PREX2: variants seen among roughly 807,000 people sequenced by gnomAD.
The protein encoded by PREX2 is phosphatidylinositol-3,4,5-trisphosphate dependent Rac exchange factor 2.
PREX2 carries 107 observed loss-of-function variants against 203.2 expected under a neutral mutation model. The observed-to-expected ratio is 0.53, with a 90% confidence interval of 0.45 to 0.62. PREX2 has a LOEUF of 0.62. Among genes scored for constraint, PREX2 ranks in the 20% least tolerant of loss-of-function variants. PREX2 has a pLI of 0.00. For synonymous variants in PREX2, 672 were observed against 663.6 expected (o/e 1.01, Z -0.19); for missense variants, 1,777 against 1,955.9 (o/e 0.91, Z 1.72).
At chr8:68,086,494 C>G (rs981941113) in intron 18 of PREX2, among the ~76,000 whole-genome samples, 3 of 152,180 alleles carry the variant, frequency 2.0e-5, no homozygotes, top group Non-Finnish European at 4.4e-5. Flanking sequence ...TTGGGAAACA[C>G]TTTTGTTTCT....
At chr8:68,054,290 G>C (rs1343668961) in intron 9 of PREX2, among the ~76,000 whole-genome samples, 1 of 151,064 alleles carries the variant, frequency 6.6e-6, no homozygotes, top group African/African-American at 2.4e-5. Flanking sequence ...CAGTCAATTC[G>C]AATAGCAAAC....
At chr8:68,093,216 C>A (rs1809937412) in intron 20 of PREX2, among the ~76,000 whole-genome samples, 1 of 151,704 alleles carries the variant, frequency 6.6e-6, no homozygotes, top group South Asian at 2.1e-4. Flanking sequence ...CATGGAGAAA[C>A]CCTGTCTTTA....
At chr8:68,180,761 A>G (rs999415076) in intron 35 of PREX2, among the ~76,000 whole-genome samples, 3 of 152,124 alleles carry the variant, frequency 2.0e-5, no homozygotes, top group Non-Finnish European at 4.4e-5. Context: ...GATTGGACCA[A>G]TGCAGTCATT....
intron 11 of PREX2, among the ~76,000 whole-genome samples, chr8:68,064,835 G>A (rs150270385): frequency 0.011 from 1,619 of 152,182 alleles, 18 homozygotes; most frequent in Admixed American, 0.018. Flanking sequence ...GTGACTTTAG[G>A]TTGGAAACTT....
At chr8:68,154,907 G>A (rs1430064514) in intron 34 of PREX2, among the ~76,000 whole-genome samples, 1 of 152,182 alleles carries the variant, frequency 6.6e-6, no homozygotes, top group Non-Finnish European at 1.5e-5. Flanking sequence ...GTAGGAGGCA[G>A]TAAAATGTTT....
At chr8:68,117,541 T>C (rs1453466274) in intron 26 of PREX2, among the ~76,000 whole-genome samples, 1 of 152,224 alleles carries the variant, frequency 6.6e-6, no homozygotes, top group East Asian at 1.9e-4. Flanking sequence ...TAAAAATACT[T>C]TCTTACCTCA....
chr8:68,006,157 C>T (rs1180107293), intron 1 of PREX2, among the ~76,000 whole-genome samples: 2 of 152,172 alleles, frequency 1.3e-5, no homozygotes, highest in Admixed American at 6.5e-5. Flanking sequence ...TGTTCAGCCT[C>T]CCCAACTGCC....
chr8:68,119,669 T>G (rs1483003864), intron 28 of PREX2, among the ~76,000 whole-genome samples, 155 bp downstream of exon 28: 1 of 152,228 alleles, frequency 6.6e-6, no homozygotes, highest in Non-Finnish European at 1.5e-5. Flanking sequence ...AAACTAGGAA[T>G]CAACATTCCT....
In PREX2 at chr8:68,093,597, A is replaced by T. The variant is rs775833585; in HGVS notation, c.2251-8A>T. The T allele has an allele frequency of 1.4e-6, 2 of 1,456,274 alleles. No individual in the cohort carries two copies. 90.2% of individuals were successfully genotyped at this position (1,456,274 alleles called of 1,614,324 possible). On this transcript the variant is annotated splice_polypyrimidine_tract_variant and splice_region_variant and intron_variant, in intron 20 of 39. Coordinates refer to ENST00000288368, the MANE Select transcript of PREX2 (RefSeq NM_024870.4). ...ACCTCTGAGGTTTCTTTCCCCCCTCATTTCCAGCAAGATTCCATACAATGG... is the reference window on the plus strand; with the variant it reads ...ACCTCTGAGGTTTCTTTCCCCCCTCTTTTCCAGCAAGATTCCATACAATGG...
chr8:68,097,019 G>T lies in PREX2; in HGVS notation c.2371G>T (p.Val791Phe). Residue 791 changes from valine to phenylalanine, a missense_variant and splice_region_variant, in exon 22 of 40, where the codon GTT becomes TTT. Coordinates refer to ENST00000288368, the MANE Select transcript of PREX2 (RefSeq NM_024870.4). ...AGTTACAGTTGTCTTTGTTCCAGAG[G>T]TTATTGACAAATTCAACACTATGGC... ...GDAFDCKVEE[V>F]IDKFNTMAII... is the part of the protein sequence containing the mutation. 1.2e-6 allele frequency: 2 copies of T among 1,612,714 alleles called. No homozygotes were observed. The highest frequency in any genetic ancestry group is 8.5e-7 in the Non-Finnish European group (1 of 1,178,924).
intron 1 of PREX2, among the ~76,000 whole-genome samples, chr8:67,962,747 C>T (rs1416129914): frequency 6.6e-6 from 1 of 151,728 alleles, no homozygotes; most frequent in Admixed American, 6.6e-5. Flanking sequence ...GCTGGGATTA[C>T]AGGCACCTGC....
chr8:68,061,243 C>T (rs16934091), intron 11 of PREX2, among the ~76,000 whole-genome samples: 2,283 of 152,294 alleles, frequency 0.015, 48 homozygotes, highest in African/African-American at 0.052. Flanking sequence ...CAGAGCCTCA[C>T]GTGGGTCCAT....
intron 37 of PREX2, among the ~76,000 whole-genome samples, chr8:68,201,900 A>ATTTTTTTT (rs869153263): frequency 6.1e-5 from 6 of 98,258 alleles, no homozygotes; most frequent in East Asian, 6.8e-4. Context: ...GGTAACACCT[A>ATTTTTTTT]TTTTTTTTTT....
chr8:68,119,861 C>G (rs1563554759), intron 28 of PREX2, among the ~76,000 whole-genome samples: 1 of 151,898 alleles, frequency 6.6e-6, no homozygotes, highest in East Asian at 1.9e-4. Context: ...AAGATATTGC[C>G]TTGGATGCTA....
intron 21 of PREX2, among the ~76,000 whole-genome samples, chr8:68,094,357 A>G (rs923235106): frequency 1.3e-5 from 2 of 152,114 alleles, no homozygotes; most frequent in Non-Finnish European, 2.9e-5. Context: ...TGTGAAAATG[A>G]GAGAGAAACA....
intron 1 of PREX2, among the ~76,000 whole-genome samples, chr8:68,008,671 T>A (rs771516349): frequency 8.5e-5 from 13 of 152,188 alleles, no homozygotes; most frequent in Non-Finnish European, 1.5e-5. Flanking sequence ...CCATGTGTTA[T>A]GGGAGGGACC....
At chr8:67,981,821 C>G (rs529243510) in intron 1 of PREX2, among the ~76,000 whole-genome samples, 1 of 152,172 alleles carries the variant, frequency 6.6e-6, no homozygotes. Flanking sequence ...GAGGTAAGAA[C>G]TATGTGCTGT....
At chr8:67,993,678 G>A (rs1049475695) in intron 1 of PREX2, among the ~76,000 whole-genome samples, 1 of 152,028 alleles carries the variant, frequency 6.6e-6, no homozygotes, top group African/African-American at 2.4e-5. Flanking sequence ...AAAGTGCTGG[G>A]GTTACAGGCA....
intron 1 of PREX2, among the ~76,000 whole-genome samples, chr8:68,011,814 G>C (rs1049683266): frequency 2.0e-5 from 3 of 152,108 alleles, no homozygotes; most frequent in African/African-American, 4.8e-5. Flanking sequence ...GCTGTGAGAT[G>C]AGTTTGTGGG....
Sources: gnomAD v4.1 joint callset for allele counts (sites outside exome capture counted in the v4.1 genomes callset) on GRCh38, gnomAD v4.1.1 for gene constraint, MANE v1.5 for transcripts, NCBI Gene and HGNC (gene_info 2026-07-23, HGNC 2026-07-21) for gene names.